PCNX1: variants seen among roughly 807,000 people sequenced by gnomAD.
The protein encoded by PCNX1 is pecanex-like protein 1.
Under a neutral mutation model 242.2 loss-of-function variants are expected in PCNX1, and 78 were observed. The ratio of observed to expected loss-of-function variants is 0.32; its 90% CI spans 0.27 to 0.39. The LOEUF (loss-of-function observed/expected upper bound fraction) is 0.39, where lower values mean the gene tolerates loss of function less well. Among genes scored for constraint, PCNX1 ranks in the 10% least tolerant of loss-of-function variants. PCNX1 has a pLI of 1.00. For missense variants in PCNX1, 2,581 were observed against 2,856.5 expected (o/e 0.90, Z 2.20); for synonymous variants, 1,024 against 1,032.9 (o/e 0.99, Z 0.17).
chr14:71,105,829 C>T (rs1487051922), intron 33 of PCNX1, among the ~76,000 whole-genome samples: 4 of 151,232 alleles, frequency 2.6e-5, no homozygotes, highest in African/African-American at 9.7e-5. Flanking sequence ...GCGTGAGCCA[C>T]CACACCCAGC....
intron 2 of PCNX1, among the ~76,000 whole-genome samples, chr14:70,958,086 T>C (rs953992857): frequency 2.0e-5 from 3 of 152,216 alleles, no homozygotes; most frequent in Non-Finnish European, 4.4e-5. Context: ...TCCTCTGTCC[T>C]ACATAGCTTA....
chr14:70,993,631 C>A (rs563020960), intron 7 of PCNX1, among the ~76,000 whole-genome samples: 1 of 151,990 alleles, frequency 6.6e-6, no homozygotes, highest in Non-Finnish European at 1.5e-5. Context: ...TACTCAAATG[C>A]GTTCATGCCA....
At chr14:71,051,855 T>C (rs748698786) in intron 23 of PCNX1, 28 bp from the exon 24 acceptor site, 1 of 1,606,940 alleles carries the variant, frequency 6.2e-7, no homozygotes, top group South Asian at 1.1e-5. Flanking sequence ...CAGATGAATG[T>C]CAGTGTCCTT....
At chr14:71,022,976 C>T (rs182500621) in intron 12 of PCNX1, among the ~76,000 whole-genome samples, 6 of 152,130 alleles carry the variant, frequency 3.9e-5, no homozygotes, top group Admixed American at 2.6e-4. Context: ...ACATAATAAT[C>T]TTATTTCCTG....
intron 1 of PCNX1, among the ~76,000 whole-genome samples, chr14:70,931,615 AT>A (rs1190663852): frequency 2.6e-5 from 4 of 152,156 alleles, no homozygotes; most frequent in Non-Finnish European, 5.9e-5. Context: ...CATCTGCCAG[AT>A]TTTTTTGGTA....
intron 26 of PCNX1, among the ~76,000 whole-genome samples, chr14:71,065,529 A>G (rs561031743): frequency 2.6e-5 from 4 of 152,282 alleles, no homozygotes; most frequent in South Asian, 4.1e-4. Context: ...ACCCTTTGTC[A>G]GATGGATAGA....
chr14:70,997,716 T>C (rs1468458459), intron 8 of PCNX1, among the ~76,000 whole-genome samples: 2 of 152,156 alleles, frequency 1.3e-5, no homozygotes, highest in Non-Finnish European at 2.9e-5. Flanking sequence ...AAACAATCAA[T>C]GGAGTGTATA....
chr14:70,909,695 A>G (rs1018430848), intron 1 of PCNX1, among the ~76,000 whole-genome samples: 7 of 152,216 alleles, frequency 4.6e-5, no homozygotes, highest in Non-Finnish European at 1.0e-4. Flanking sequence ...AAACCAGGAC[A>G]TTGAGTTTAC....
intron 30 of PCNX1, among the ~76,000 whole-genome samples, chr14:71,089,587 A>G (rs954098147): frequency 6.6e-6 from 1 of 152,150 alleles, no homozygotes; most frequent in Non-Finnish European, 1.5e-5. Context: ...AGAAGTGCCA[A>G]GCAAAAGGGG....
rs746276695 is a variant in PCNX1 at position 71,009,659 on chromosome 14, G to A, written c.2655G>A (p.Glu885=). 4 of 1,603,746 alleles carry A rather than the reference G, an allele frequency of 2.5e-6. No homozygotes were observed. The highest frequency in any genetic ancestry group is 2.2e-5 in the East Asian group (1 of 44,744). The change falls in exon 9 of 36, where the codon GAG becomes GAA. Residue 885 remains glutamate (E), a synonymous_variant. Transcript: ENST00000304743. ...GTAAGTTCTCTTCTACGCTGTATGA[G>A]ACTGGTGGCTGTGATATGTCACTTG... is the stretch of plus-strand genomic sequence containing the variant. ...ELGKFSSTLY[E]TGGCDMSLVN...
chr14:70,934,680 A>G lies in PCNX1; in HGVS notation c.154-12235A>G, dbSNP rs562933673. ...TCTAGGAAGTTCCAAACTTTCCCAG[A>G]TCTTCTTGCTCACTTTGGACTTGAA... On this transcript the variant is annotated intron_variant, in intron 1 of 35. Transcript: ENST00000304743. 3.9e-5 allele frequency among the ~76,000 whole-genome samples: 6 copies of G among 152,328 alleles called. No individual in the cohort carries two copies. The East Asian group carries it at 1.2e-3, about 29-fold the overall frequency.
intron 2 of PCNX1, among the ~76,000 whole-genome samples, chr14:70,955,071 T>C (rs555930278): frequency 6.6e-6 from 1 of 152,360 alleles, no homozygotes. Flanking sequence ...ATGGTTTTCA[T>C]TGGTCTCTCT....
intron 13 of PCNX1, among the ~76,000 whole-genome samples, chr14:71,024,005 T>C (rs1163467061): frequency 6.6e-6 from 1 of 152,172 alleles, no homozygotes; most frequent in Non-Finnish European, 1.5e-5. Flanking sequence ...ATGGAAACAT[T>C]GCTTTTCAAC....
At chr14:70,930,401 T>C (rs921505555) in intron 1 of PCNX1, among the ~76,000 whole-genome samples, 1 of 152,200 alleles carries the variant, frequency 6.6e-6, no homozygotes, top group Non-Finnish European at 1.5e-5. Flanking sequence ...ATGAGTTGCA[T>C]GTGCTATGTT....
At chr14:70,992,358 T>G (rs2059190760) in intron 7 of PCNX1, among the ~76,000 whole-genome samples, 1 of 152,200 alleles carries the variant, frequency 6.6e-6, no homozygotes, top group Admixed American at 6.5e-5. Context: ...GTCATAGTAA[T>G]AACTGAGAAT....
At chr14:71,034,090 C>G in intron 18 of PCNX1, 54 bp downstream of exon 18, 2 of 930,270 alleles carry the variant, frequency 2.1e-6, no homozygotes, top group Non-Finnish European at 3.4e-6. Flanking sequence ...GACAGTTGAT[C>G]ATGTTATATG....
chr14:71,004,738 A>C (rs1441937868), intron 8 of PCNX1, among the ~76,000 whole-genome samples: 2 of 152,212 alleles, frequency 1.3e-5, no homozygotes, highest in Admixed American at 1.3e-4. Flanking sequence ...GCTATCCAAG[A>C]AATTAGAATT....
intron 7 of PCNX1, among the ~76,000 whole-genome samples, chr14:70,990,786 C>G (rs2059141104): frequency 6.6e-6 from 1 of 151,976 alleles, no homozygotes; most frequent in African/African-American, 2.4e-5. Flanking sequence ...TTGCCTTTTC[C>G]TGCCTGAAGT....
At chr14:71,103,230 G>A (rs1315886528) in intron 31 of PCNX1, among the ~76,000 whole-genome samples, 165 bp from the exon 32 acceptor site, 1 of 152,220 alleles carries the variant, frequency 6.6e-6, no homozygotes, top group Non-Finnish European at 1.5e-5. Context: ...ATGACAAAGG[G>A]AAATTGGCTA....
Sources: allele counts gnomAD v4.1 joint callset (sites outside exome capture counted in the v4.1 genomes callset), GRCh38; gene constraint gnomAD v4.1.1; transcripts MANE v1.5; gene names NCBI Gene and HGNC (gene_info 2026-07-23, HGNC 2026-07-21).